The following DPYSL2 variants were observed in gnomAD, a reference collection of about 807,000 sequenced individuals.
DPYSL2 encodes the protein dihydropyrimidinase like 2, also known as dihydropyrimidinase-related protein 2.
Under a neutral mutation model 69.9 loss-of-function variants are expected in DPYSL2, and 13 were observed. That is an observed-to-expected ratio of 0.19 (90% CI 0.12 to 0.30). The LOEUF is 0.30. Ranked by LOEUF, DPYSL2 falls within the 10% of genes least tolerant of loss-of-function variation. The pLI, the probability that DPYSL2 is intolerant of heterozygous loss-of-function variation, is 1.00. For missense variants in DPYSL2, 587 were observed against 918.9 expected (o/e 0.64, Z 4.67); for synonymous variants, 326 against 359.1 (o/e 0.91, Z 1.04).
intron 11 of DPYSL2, among the ~76,000 whole-genome samples, chr8:26,649,371 A>C (rs1286279337): frequency 1.3e-5 from 2 of 152,184 alleles, no homozygotes; most frequent in Non-Finnish European, 2.9e-5. Flanking sequence ...TCGTTATTTA[A>C]GACACAAATG....
At chr8:26,566,564 C>T (rs978530817) in intron 1 of DPYSL2, among the ~76,000 whole-genome samples, 1 of 152,092 alleles carries the variant, frequency 6.6e-6, no homozygotes, top group Non-Finnish European at 1.5e-5. Flanking sequence ...AGGAAGGACA[C>T]TGACAACAGC....
Position 26,652,517 on chromosome 8 carries a change from G to T in DPYSL2, c.1776+81G>T. The T allele has an allele frequency of 2.1e-6, 3 of 1,413,320 alleles. No individual in the cohort carries two copies. Among genetic ancestry groups the T allele is most frequent in the Non-Finnish European group, 2.9e-6 (3 of 1,036,372 alleles). 87.5% of individuals were successfully genotyped at this position (1,413,320 alleles called of 1,614,324 possible). ...CACAAACATTTATTAAGCACCTTGA[G>T]ACAGAATATTAAGATGAATTTAGTG... is the stretch of plus-strand genomic sequence containing the variant. On this transcript the variant is annotated intron_variant, in intron 12 of 13. Transcript: ENST00000521913. The surrounding 1 kb of genome is among the most constrained non-coding windows in gnomAD (Gnocchi z 6.3).
Position 26,655,797 on chromosome 8 carries a change from G to GTT in DPYSL2, c.*101_*102dup, listed in dbSNP as rs71216769. 3,160 of 781,768 alleles carry GTT rather than the reference G, an allele frequency of 4.0e-3. No homozygotes were observed. The highest frequency in any genetic ancestry group is 7.2e-3 in the South Asian group (240 of 33,166). The allele number at this position is 781,768 out of a possible 1,614,324, so 48.4% of individuals were successfully genotyped here. On this transcript the variant is annotated 3_prime_UTR_variant, in exon 14 of 14. Transcript: ENST00000521913. ...TTTCTTCCTTCCTTTTTTTTTTTTTGTTTTTTTTTTTAAGAGCCTGTGATA... is the reference window on the plus strand; with the variant it reads ...TTTCTTCCTTCCTTTTTTTTTTTTTGTTTTTTTTTTTTTAAGAGCCTGTGATA...
rs920633 is a variant in DPYSL2, at chr8:26,657,263, T to C, written c.*1557T>C. ...ACATGGCCCCCTTAGAGACCACAGG[T>C]GATGTCTGTCTCCATCCTTCCCTCT... On this transcript the variant is annotated 3_prime_UTR_variant, in exon 14 of 14. Coordinates refer to ENST00000521913, the MANE Select transcript of DPYSL2 (RefSeq NM_001197293.3). 125,360 of 152,652 alleles carry C rather than the reference T, an allele frequency of 0.82. 52,431 individuals carry two copies. The highest frequency in any genetic ancestry group is 0.9 in the African/African-American group (37,369 of 41,514). 9.5% of individuals were successfully genotyped at this position (152,652 alleles called of 1,614,324 possible).
intron 1 of DPYSL2, chr8:26,577,290 C>G: frequency 3.7e-6 from 1 of 272,218 alleles, no homozygotes; most frequent in Non-Finnish European, 7.0e-6. Flanking sequence ...TCTCCGGGGC[C>G]GGGCGTGGCC....
chr8:26,592,004 C>T (rs1801739129), intron 3 of DPYSL2, among the ~76,000 whole-genome samples: 1 of 150,544 alleles, frequency 6.6e-6, no homozygotes, highest in South Asian at 2.1e-4. Context: ...TTAGTAGTTT[C>T]GTTTAATATC....
chr8:26,514,499 C>T lies in DPYSL2; in HGVS notation c.174C>T (p.Gly58=), dbSNP rs1015677882. 2 of 1,529,394 alleles carry T rather than the reference C, an allele frequency of 1.3e-6. No homozygotes were observed. The highest frequency in any genetic ancestry group is 2.0e-5 in the Admixed American group (1 of 50,106). The allele number at this position is 1,529,394 out of a possible 1,614,324, so 94.7% of individuals were successfully genotyped here. A position where few individuals can be genotyped will look rare whatever the true frequency, so the allele number is the denominator to read the frequency against. The change falls in exon 1 of 14, where the codon GGC becomes GGT. Residue 58 remains glycine (G), a synonymous_variant. Coordinates refer to ENST00000521913, the MANE Select transcript of DPYSL2 (RefSeq NM_001197293.3). This position sits in a 1 kb window ranked among gnomAD's most constrained non-coding sequence, Gnocchi z 8.4. Reference sequence around the variant, plus strand: ...TCGACTTCGACTCGCTGTCGGTGGGCCGGGGCTCGGGGCAGGTGGTGGCTC... The same window carrying T: ...TCGACTTCGACTCGCTGTCGGTGGGTCGGGGCTCGGGGCAGGTGGTGGCTC... ...KTIDFDSLSV[G]RGSGQVVAQQ...
rs1318549794 is a variant in DPYSL2 at position 26,556,328 on chromosome 8, G to C, written c.355-25641G>C. On this transcript the variant is annotated intron_variant, in intron 1 of 13. Coordinates refer to ENST00000521913, the MANE Select transcript of DPYSL2 (RefSeq NM_001197293.3). ...ATAGTATATATATACTATATATATAGTATATATATAGTATATATATATAGT... is the reference window on the plus strand; with the variant it reads ...ATAGTATATATATACTATATATATACTATATATATAGTATATATATATAGT... Among the ~76,000 whole-genome samples, 11 of 17,686 alleles carry C rather than the reference G, an allele frequency of 6.2e-4. 2 individuals carry two copies. In the South Asian group the frequency reaches 9.3e-3, roughly 15 times the overall value. The allele number at this position is 17,686 out of a possible 152,430, so 11.6% of individuals were successfully genotyped here.
chr8:26,602,281 A>T lies in DPYSL2; in HGVS notation c.628+18298A>T, dbSNP rs1054886725. Among the ~76,000 whole-genome samples the T allele has an allele frequency of 2.7e-5, 4 of 150,258 alleles. No homozygotes were observed. In the Admixed American group the frequency reaches 2.7e-4, roughly 10 times the overall value. ...AAGTTAGCTTAATACAGGAAAACTT[A>T]TTTTTTTTTAATTTTATATAAAAAT... On this transcript the variant is annotated intron_variant, in intron 3 of 13. Transcript: ENST00000521913.
Position 26,646,020 on chromosome 8 carries a change from C to G in DPYSL2, c.1426-1610C>G, listed in dbSNP as rs541819687. Among the ~76,000 whole-genome samples the G allele has an allele frequency of 1.1e-4, 17 of 152,156 alleles. No homozygotes were observed. The East Asian group carries it at 2.5e-3, about 22-fold the overall frequency. On this transcript the variant is annotated intron_variant, in intron 10 of 13. Coordinates refer to ENST00000521913, the MANE Select transcript of DPYSL2 (RefSeq NM_001197293.3). ...AGCTGGGATTACAGGTGCCTGCCAC[C>G]ATGCCCGGCTAATTTTGGTATTTTT...
Position 26,624,306 on chromosome 8 carries a change from C to T in DPYSL2, c.792C>T (p.His264=), listed in dbSNP as rs139123217. The T allele has an allele frequency of 3.7e-3, 5,952 of 1,613,984 alleles. 13 individuals are homozygous for T. The highest frequency in any genetic ancestry group is 4.2e-3 in the Non-Finnish European group (4,933 of 1,179,908). The change falls in exon 4 of 14, where the codon CAC becomes CAT. Residue 264 remains histidine (H), a splice_region_variant and synonymous_variant. Coordinates refer to ENST00000521913, the MANE Select transcript of DPYSL2 (RefSeq NM_001197293.3). The surrounding 1 kb of genome is among the most constrained non-coding windows in gnomAD (Gnocchi z 4.7). ...AGATGGAAGCGCTTGTGAAGGATCA[C>T]GGTAGGTTGCACTGAGTCAATGCCC... ...QEEMEALVKD[H]GVNSFLVYMA...
chr8:26,548,863 G>A (rs1800826046), intron 1 of DPYSL2, among the ~76,000 whole-genome samples: 1 of 152,000 alleles, frequency 6.6e-6, no homozygotes, highest in African/African-American at 2.4e-5. Context: ...GGGTGACAGA[G>A]TGAGACCTCA....
At chr8:26,543,908 G>C (rs192986467) in intron 1 of DPYSL2, among the ~76,000 whole-genome samples, 1 of 152,138 alleles carries the variant, frequency 6.6e-6, no homozygotes, top group African/African-American at 2.4e-5. Context: ...GCCTTCCAAA[G>C]TGCTAGGATT....
rs1017235346 is a variant in DPYSL2, at chr8:26,627,069, C to T, written c.856-146C>T. 63 of 699,236 alleles carry T rather than the reference C, an allele frequency of 9.0e-5. No individual in the cohort carries two copies. Among genetic ancestry groups the T allele is most frequent in the Non-Finnish European group, 1.2e-4 (48 of 402,932 alleles). 43.3% of individuals were successfully genotyped at this position (699,236 alleles called of 1,614,324 possible). A position where few individuals can be genotyped will look rare whatever the true frequency, so the allele number is the denominator to read the frequency against. On this transcript the variant is annotated intron_variant, in intron 5 of 13. Transcript: ENST00000521913. The surrounding 1 kb of genome is among the most constrained non-coding windows in gnomAD (Gnocchi z 6.9). Reference sequence around the variant, plus strand: ...CAAATGTGGCCAGTAACATTGCCCTCATCATATCAAAAAAAGTCAGGCTAA... The same window carrying T: ...CAAATGTGGCCAGTAACATTGCCCTTATCATATCAAAAAAAGTCAGGCTAA...
Position 26,652,566 on chromosome 8 carries a change from T to C in DPYSL2, c.1776+130T>C. ...TGGATTCCAGGGATAAGAGGGAGCC[T>C]GAATTTTTTATTCCTGGCATTTAAA... On this transcript the variant is annotated intron_variant, in intron 12 of 13. Transcript: ENST00000521913. The surrounding 1 kb of genome is among the most constrained non-coding windows in gnomAD (Gnocchi z 6.3). 1 of 1,013,258 alleles carries C rather than the reference T, an allele frequency of 9.9e-7. No individual in the cohort carries two copies. Among genetic ancestry groups the C allele is most frequent in the Non-Finnish European group, 1.4e-6 (1 of 711,710 alleles). 62.8% of individuals were successfully genotyped at this position (1,013,258 alleles called of 1,614,324 possible). A position where few individuals can be genotyped will look rare whatever the true frequency, so the allele number is the denominator to read the frequency against.
At position 26,533,847 on chromosome 8, in the gene DPYSL2, C is replaced by T. The variant is rs1331755973; in HGVS notation, c.354+19168C>T. Among the ~76,000 whole-genome samples, 4 of 152,188 alleles carry T rather than the reference C, an allele frequency of 2.6e-5. No individual in the cohort carries two copies. The highest frequency in any genetic ancestry group is 4.4e-5 in the Non-Finnish European group (3 of 68,036). On this transcript the variant is annotated intron_variant, in intron 1 of 13. Coordinates refer to ENST00000521913, the MANE Select transcript of DPYSL2 (RefSeq NM_001197293.3). The surrounding 1 kb of genome is among the most constrained non-coding windows in gnomAD (Gnocchi z 4.8). Reference sequence around the variant, plus strand: ...TGACGTGCTGCTGCGGTGGCAGGGACTGATGGGGGAACCCAGTGACAGCCT... The same window carrying T: ...TGACGTGCTGCTGCGGTGGCAGGGATTGATGGGGGAACCCAGTGACAGCCT...
chr8:26,616,792 A>AGGGCTCTCCAT (rs371510519), intron 3 of DPYSL2, among the ~76,000 whole-genome samples: 9,929 of 150,190 alleles, frequency 0.066, 354 homozygotes, highest in East Asian at 0.091. Context: ...GGGCTTGGTG[A>AGGGCTCTCCAT]CCTCTCTCCT....
Position 26,593,094 on chromosome 8 carries a change from C to G in DPYSL2, c.628+9111C>G, listed in dbSNP as rs766119271. ...CAGTGAGTAGAAATTAGAGTTCTTT[C>G]TGGTTAACCCATTTGGGAGGTAGCT... On this transcript the variant is annotated intron_variant, in intron 3 of 13. Coordinates refer to ENST00000521913, the MANE Select transcript of DPYSL2 (RefSeq NM_001197293.3). The surrounding 1 kb of genome is among the most constrained non-coding windows in gnomAD (Gnocchi z 5.7). Among the ~76,000 whole-genome samples, 30 of 152,146 alleles carry G rather than the reference C, an allele frequency of 2.0e-4. No individual in the cohort carries two copies. The highest frequency in any genetic ancestry group is 3.7e-4 in the Non-Finnish European group (25 of 68,032).
In DPYSL2 at chr8:26,597,972, C is replaced by T. The variant is rs752786975; in HGVS notation, c.628+13989C>T. On this transcript the variant is annotated intron_variant, in intron 3 of 13. Transcript: ENST00000521913. The surrounding 1 kb of genome is among the most constrained non-coding windows in gnomAD (Gnocchi z 5.2). The stretch of plus-strand genomic sequence containing the variant: ...TCATGGAGCTGGGAGACCTTCGTGC[C>T]AGGGTCGACTCTGCTGCTTATTAGC... 1.1e-4 allele frequency among the ~76,000 whole-genome samples: 16 copies of T among 152,126 alleles called. No individual in the cohort carries two copies. Among genetic ancestry groups the T allele is most frequent in the Non-Finnish European group, 2.2e-4 (15 of 68,020 alleles).
Sources: gnomAD v4.1 joint callset for allele counts (sites outside exome capture counted in the v4.1 genomes callset) on GRCh38, gnomAD v4.1.1 for gene constraint, Gnocchi (gnomAD v3.1) non-coding constraint, MANE v1.5 for transcripts, NCBI Gene and HGNC (gene_info 2026-07-23, HGNC 2026-07-21) for gene names.